UBTF: variants seen among roughly 807,000 people sequenced by gnomAD.
The protein encoded by UBTF is upstream binding transcription factor.
In UBTF, 8 loss-of-function variants were observed where a neutral mutation model predicts 112.3. The observed-to-expected ratio is 0.07, with a 90% confidence interval of 0.04 to 0.13. The LOEUF (loss-of-function observed/expected upper bound fraction) is 0.13. Ranked by LOEUF, UBTF falls within the 10% of genes least tolerant of loss-of-function variation. The pLI, the probability that UBTF is intolerant of heterozygous loss-of-function variation, is 1.00. For synonymous variants in UBTF, 417 were observed against 373.1 expected (o/e 1.12, Z -1.36); for missense variants, 457 against 982.1 (o/e 0.47, Z 7.15).
At position 44,211,531 on chromosome 17, in the gene UBTF, G is replaced by A. The variant is rs1487082374; in HGVS notation, c.1047+75C>T. ...GGTACCCAAGGCACACGCCACCAGG[G>A]ACTGACTGGCCCAAGATGGGATCAG... On this transcript the variant is annotated intron_variant, in intron 10 of 20. Coordinates refer to ENST00000436088, the MANE Select transcript of UBTF (RefSeq NM_014233.4). The surrounding 1 kb of genome is among the most constrained non-coding windows in gnomAD (Gnocchi z 4.9). 2 of 1,570,474 alleles carry A rather than the reference G, an allele frequency of 1.3e-6. No homozygotes were observed. Among genetic ancestry groups the A allele is most frequent in the South Asian group, 1.2e-5 (1 of 85,248 alleles).
At chr17:44,209,279 TG>T (rs2056498640) in intron 17 of UBTF, 72 bp downstream of exon 17, 1 of 1,464,176 alleles carries the variant, frequency 6.8e-7, no homozygotes, top group East Asian at 2.3e-5. Context: ...AGTGGGTGGA[TG>T]GGCCAGGCTA....
rs1244856710 is a variant in UBTF at position 44,209,213 on chromosome 17, AT to A, written c.1905+138del. 4.7e-6 allele frequency: 4 copies of A among 853,618 alleles called. No individual in the cohort carries two copies. The African/African-American group carries it at 6.9e-5, about 15-fold the overall frequency. 52.9% of individuals were successfully genotyped at this position (853,618 alleles called of 1,614,324 possible). A position where few individuals can be genotyped will look rare whatever the true frequency, so the allele number is the denominator to read the frequency against. On this transcript the variant is annotated intron_variant, in intron 17 of 20. Coordinates refer to ENST00000436088, the MANE Select transcript of UBTF (RefSeq NM_014233.4). ...AAATAAAAGGGTGATAGTGACCGTT[AT>A]CCTGAAGGATTGCGAGGGCATGGAA...
At chr17:44,212,310 A>G in intron 8 of UBTF, 34 bp downstream of exon 8, 2 of 1,577,086 alleles carry the variant, frequency 1.3e-6, no homozygotes, top group Non-Finnish European at 1.7e-6. Flanking sequence ...GCTCGTGAAG[A>G]GCCGGACGGG....
At chr17:44,220,052 G>T (rs1438842244), upstream of UBTF, among the ~76,000 whole-genome samples, 6 of 137,122 alleles carry the variant, frequency 4.4e-5, no homozygotes, top group East Asian at 2.4e-4. Flanking sequence ...CGGCGGCGGC[G>T]GCTGCTGCTG....
chr17:44,216,302 C>T, intron 3 of UBTF: 2 of 618,750 alleles, frequency 3.2e-6, no homozygotes, highest in Non-Finnish European at 5.7e-6. Flanking sequence ...CTCAGCACAG[C>T]TCAGGCTGTT....
chr17:44,214,696 G>T (rs922260209), intron 5 of UBTF, among the ~76,000 whole-genome samples: 5 of 152,108 alleles, frequency 3.3e-5, no homozygotes, highest in Non-Finnish European at 7.4e-5. Context: ...CTGCAGCCAG[G>T]GTATGCCAAC....
intron 5 of UBTF, chr17:44,213,497 G>A (rs1448458294): frequency 1.9e-6 from 1 of 538,638 alleles, no homozygotes; most frequent in African/African-American, 1.9e-5. Context: ...GGGTCGCCCA[G>A]ACACTGAATC....
chr17:44,208,573 C>CCCCAACA (rs1187932815), intron 17 of UBTF: 1 of 155,670 alleles, frequency 6.4e-6, no homozygotes, highest in African/African-American at 2.4e-5. Flanking sequence ...ATCAACCACA[C>CCCCAACA]CCCAACACCA....
chr17:44,216,204 G>A (rs1177666372), intron 3 of UBTF: 3 of 607,086 alleles, frequency 4.9e-6, no homozygotes, highest in Non-Finnish European at 8.7e-6. Context: ...ACACACCAAA[G>A]GCCAGCAACA....
chr17:44,210,721 C>T, intron 13 of UBTF, 71 bp downstream of exon 13: 8 of 1,535,112 alleles, frequency 5.2e-6, no homozygotes, highest in South Asian at 4.8e-5. Context: ...CGAGGTGGCA[C>T]GGCCCGCCAA....
chr17:44,213,370 T>C, intron 5 of UBTF, 88 bp from the exon 6 acceptor site: 1 of 1,390,122 alleles, frequency 7.2e-7, no homozygotes, highest in Non-Finnish European at 9.8e-7. Context: ...CCTCGCTGGC[T>C]CTTCTGCCTC....
chr17:44,211,123 G>A lies in UBTF; in HGVS notation c.1119C>T (p.Val373=). ...TGTTCAGCATCTTCTCTTCCCCCAAGACCCGCTGCTGCTCCTCCTCAGGCA... is the reference window on the plus strand; with the variant it reads ...TGTTCAGCATCTTCTCTTCCCCCAAAACCCGCTGCTGCTCCTCCTCAGGCA... ...ESLPEEEQQR[V]LGEEKMLNIN... The change falls in exon 12 of 21, where the codon GTC becomes GTT. Residue 373 remains valine (V), a synonymous_variant. Transcript: ENST00000436088. The surrounding 1 kb of genome is among the most constrained non-coding windows in gnomAD (Gnocchi z 4.9). 6.2e-7 allele frequency: 1 copy of A among 1,613,242 alleles called. No homozygotes were observed. The highest frequency in any genetic ancestry group is 8.5e-7 in the Non-Finnish European group (1 of 1,180,016).
At chr17:44,209,094 G>GTTTT in intron 17 of UBTF, 1 of 291,048 alleles carries the variant, frequency 3.4e-6, no homozygotes, top group Non-Finnish European at 6.1e-6. Context: ...GCTTGAACCT[G>GTTTT]GGAGGTGGAG....
chr17:44,216,463 GT>G, intron 3 of UBTF, 65 bp downstream of exon 3: 1 of 1,576,210 alleles, frequency 6.3e-7, no homozygotes, highest in Admixed American at 1.7e-5. Context: ...TTTACAGCCT[GT>G]TTCACTTCCC....
rs2144549566 is a variant in UBTF, at chr17:44,215,472, C to A, written c.474+182G>T. 4 of 697,470 alleles carry A rather than the reference C, an allele frequency of 5.7e-6. No homozygotes were observed. The South Asian group carries it at 7.5e-5, about 13-fold the overall frequency. The allele number at this position is 697,470 out of a possible 1,614,324, so 43.2% of individuals were successfully genotyped here. ...GTTTACATCTGTGATGGTGCCTGTG[C>A]CTGACCATGTGTGGGCCGAGGAAGG... On this transcript the variant is annotated intron_variant, in intron 5 of 20. Transcript: ENST00000436088.
At chr17:44,213,116 C>T in intron 6 of UBTF, 102 bp downstream of exon 6, 1 of 1,542,012 alleles carries the variant, frequency 6.5e-7, no homozygotes, top group South Asian at 1.2e-5. Context: ...GACCCATCCT[C>T]TTCCATGCCT....
rs768525090 is a variant in UBTF at position 44,207,188 on chromosome 17, T to C, written c.*54A>G. 9 of 1,603,474 alleles carry C rather than the reference T, an allele frequency of 5.6e-6. No homozygotes were observed. Among genetic ancestry groups the C allele is most frequent in the South Asian group, 1.1e-5 (1 of 90,398 alleles). ...ATGGGGGAGAAACAAAGGTGGTCAG[T>C]TGGGGAGGGGAGCTCCTGGGCTCTC... On this transcript the variant is annotated 3_prime_UTR_variant, in exon 21 of 21. Transcript: ENST00000436088.
At chr17:44,214,029 C>T (rs1178516496) in intron 5 of UBTF, among the ~76,000 whole-genome samples, 1 of 152,144 alleles carries the variant, frequency 6.6e-6, no homozygotes, top group Non-Finnish European at 1.5e-5. Context: ...TTCCCCACTT[C>T]TCCATAGTCT....
At chr17:44,212,209 G>A (rs1386280965) in intron 8 of UBTF, 135 bp downstream of exon 8, 8 of 777,600 alleles carry the variant, frequency 1.0e-5, no homozygotes, top group Non-Finnish European at 1.5e-5. Flanking sequence ...TAGGGGCAGA[G>A]GTGAGGGGCC....
Sources: allele counts gnomAD v4.1 joint callset (sites outside exome capture counted in the v4.1 genomes callset), GRCh38; gene constraint gnomAD v4.1.1; non-coding constraint Gnocchi (gnomAD v3.1); transcripts MANE v1.5; gene names NCBI Gene and HGNC (gene_info 2026-07-23, HGNC 2026-07-21).